GYG2: variants seen among roughly 807,000 people sequenced by gnomAD.
GYG2 encodes glycogenin-2.
Under a neutral mutation model 29.4 loss-of-function variants are expected in GYG2, and 29 were observed. The ratio of observed to expected loss-of-function variants is 0.99; its 90% CI spans 0.74 to 1.35. The LOEUF is 1.35. GYG2 is among the 40% of genes most tolerant of loss of function. The pLI is 0.00. For synonymous variants in GYG2, 167 were observed against 172.3 expected (o/e 0.97, Z 0.24); for missense variants, 370 against 385.7 (o/e 0.96, Z 0.34).
At chrX:2,876,012 T>C (rs2088586280) in intron 9 of GYG2, 98 bp downstream of exon 9, 2 of 339,229 alleles carry the variant, frequency 5.9e-6, no homozygotes, top group East Asian at 5.2e-5. Flanking sequence ...GGGGGCGCCA[T>C]AGGCTTTTAA....
chrX:2,857,510 A>G (rs146962721), intron 6 of GYG2, among the ~76,000 whole-genome samples: 1,326 of 110,778 alleles, frequency 0.012, 13 homozygotes, highest in Admixed American at 0.033. Flanking sequence ...CTATGTATAT[A>G]CATGGATCTA....
At chrX:2,838,385 A>G (rs1173317530) in intron 2 of GYG2, among the ~76,000 whole-genome samples, 1 of 109,528 alleles carries the variant, frequency 9.1e-6, no homozygotes, top group Non-Finnish European at 1.9e-5. Context: ...ATTGTCAGGA[A>G]AAGGACTGCT....
intron 10 of GYG2, 21 bp from the exon 11 acceptor site, chrX:2,881,031 C>T (rs1480602914): frequency 8.3e-7 from 1 of 1,203,650 alleles, no homozygotes; most frequent in Non-Finnish European, 1.1e-6. Flanking sequence ...AAAACCATCT[C>T]CCACTGACTG....
intron 8 of GYG2, among the ~76,000 whole-genome samples, chrX:2,865,455 G>A (rs1464147510): frequency 9.0e-6 from 1 of 111,563 alleles, no homozygotes; most frequent in East Asian, 2.8e-4. Context: ...CTTTTACTTT[G>A]GATTCATAAT....
At chrX:2,862,793 C>T (rs2088200545) in intron 8 of GYG2, among the ~76,000 whole-genome samples, 1 of 110,794 alleles carries the variant, frequency 9.0e-6, no homozygotes, top group Non-Finnish European at 1.9e-5. Context: ...CACGGTGACT[C>T]AACACCTGTA....
chrX:2,847,481 G>A (rs1403824249), intron 3 of GYG2, among the ~76,000 whole-genome samples: 4 of 102,023 alleles, frequency 3.9e-5, no homozygotes, highest in African/African-American at 1.4e-4. Flanking sequence ...TTGAGGTCAG[G>A]AGTTCGAGAC....
At chrX:2,857,460 A>G (rs2088043950) in intron 6 of GYG2, among the ~76,000 whole-genome samples, 1 of 110,377 alleles carries the variant, frequency 9.1e-6, no homozygotes, top group Non-Finnish European at 1.9e-5. Context: ...ATAGATCTAT[A>G]TATCTATATC....
chrX:2,854,791 G>C (rs1249243839), intron 4 of GYG2, among the ~76,000 whole-genome samples: 1 of 111,603 alleles, frequency 9.0e-6, no homozygotes, highest in Non-Finnish European at 1.9e-5. Flanking sequence ...AATTAGCCAG[G>C]CATGGTAACA....
chrX:2,877,652 G>A lies in GYG2; in HGVS notation c.1251+345G>A, dbSNP rs546039678. ...ATGAAGAGATTAAAAGCTGAAAATT[G>A]GAGGGAGTGGGGCATGCTAATGTTC... On this transcript the variant is annotated intron_variant, in intron 10 of 10. Coordinates refer to ENST00000398806, the MANE Select transcript of GYG2 (RefSeq NM_001079855.2). The A allele has an allele frequency of 1.2e-4, 92 of 751,190 alleles. No homozygotes were observed. The South Asian group carries it at 5.4e-3, about 44-fold the overall frequency. 61.9% of individuals were successfully genotyped at this position (751,190 alleles called of 1,213,427 possible).
chrX:2,837,419 C>T (rs1294558674), intron 2 of GYG2, among the ~76,000 whole-genome samples: 1 of 110,990 alleles, frequency 9.0e-6, no homozygotes, highest in Non-Finnish European at 1.9e-5. Flanking sequence ...GAGGAAAATC[C>T]CAAAGCATGG....
intron 9 of GYG2, among the ~76,000 whole-genome samples, chrX:2,876,842 C>G (rs994816790): frequency 5.5e-5 from 6 of 110,007 alleles, no homozygotes; most frequent in Admixed American, 9.7e-5. Context: ...CCAGCTACTC[C>G]GGAGGCTGAG....
chrX:2,856,955 ACATCTGTTTATCTAT>A (rs1369297329), intron 6 of GYG2, among the ~76,000 whole-genome samples: 1 of 70,494 alleles, frequency 1.4e-5, no homozygotes, highest in East Asian at 4.5e-4. Flanking sequence ...ATAGGCCTAG[ACATCTGTTTATCTAT>A]CTATCTATCT....
chrX:2,860,133 G>A, intron 7 of GYG2, 68 bp downstream of exon 7: 6 of 711,060 alleles, frequency 8.4e-6, no homozygotes, highest in Non-Finnish European at 1.2e-5. Context: ...CCAAGGTCTG[G>A]CGTGGTTTTT....
intron 2 of GYG2, among the ~76,000 whole-genome samples, chrX:2,841,856 A>C (rs1390026292): frequency 8.9e-6 from 1 of 111,941 alleles, no homozygotes; most frequent in Non-Finnish European, 1.9e-5. Context: ...TGCCCTCCTG[A>C]CTGTTGTCTT....
intron 6 of GYG2, among the ~76,000 whole-genome samples, chrX:2,857,356 A>G (rs892114274): frequency 9.1e-6 from 1 of 110,017 alleles, no homozygotes; most frequent in Non-Finnish European, 1.9e-5. Flanking sequence ...CTAGAACTAG[A>G]TATCTATGTA....
intron 6 of GYG2, 69 bp from the exon 7 acceptor site, chrX:2,859,774 G>A: frequency 8.9e-6 from 6 of 675,603 alleles, no homozygotes; most frequent in East Asian, 3.4e-5. Flanking sequence ...CCCATGGTAG[G>A]TGGATGCTTT....
At chrX:2,853,174 C>T (rs186540205) in intron 3 of GYG2, among the ~76,000 whole-genome samples, 164 of 110,939 alleles carry the variant, frequency 1.5e-3, no homozygotes, top group African/African-American at 5.0e-3. Context: ...ACCAGCACGC[C>T]TGGCTAATTT....
At chrX:2,868,538 C>G (rs1330553642) in intron 8 of GYG2, among the ~76,000 whole-genome samples, 1 of 110,124 alleles carries the variant, frequency 9.1e-6, no homozygotes, top group Non-Finnish European at 1.9e-5. Flanking sequence ...CCTATTCTCC[C>G]CACCTCTCCA....
intron 10 of GYG2, 196 bp downstream of exon 10, chrX:2,877,503 C>G (rs965617541): frequency 3.8e-6 from 4 of 1,049,861 alleles, no homozygotes; most frequent in East Asian, 3.5e-5. Context: ...TCGGCCGACT[C>G]TCTTTTGCCA....
Sources: allele counts gnomAD v4.1 joint callset (sites outside exome capture counted in the v4.1 genomes callset), GRCh38; gene constraint gnomAD v4.1.1; transcripts MANE v1.5; gene names NCBI Gene and HGNC (gene_info 2026-07-23, HGNC 2026-07-21).